Variants in HMGA2 observed in about 807,000 individuals in gnomAD.
HMGA2 encodes high mobility group AT-hook 2, also known as high mobility group protein HMGI-C.
A neutral mutation model predicts 19.1 loss-of-function variants in HMGA2; 8 were observed. The observed-to-expected ratio is 0.42, with a 90% CI of 0.25 to 0.76. HMGA2 has a LOEUF of 0.76. HMGA2 is among the 30% of genes least tolerant of loss of function. HMGA2 has a pLI of 0.28. For missense variants in HMGA2, 109 were observed against 136.3 expected, an observed-to-expected ratio of 0.80 and a Z score of 1.00; for synonymous variants, 60 against 48.8, an observed-to-expected ratio of 1.23 and a Z score of -0.96.
At chr12:65,841,630 C>T (rs376607501) in intron 3 of HMGA2, among the ~76,000 whole-genome samples, 10 of 152,274 alleles carry the variant, frequency 6.6e-5, no homozygotes, top group Non-Finnish European at 4.4e-5. Context: ...TGTCATTCAC[C>T]GATTTCCTTG....
intron 3 of HMGA2, among the ~76,000 whole-genome samples, chr12:65,927,797 GTCTCTTTC>G (rs1875559260): frequency 6.7e-6 from 1 of 150,132 alleles, no homozygotes. Flanking sequence ...TTATTGGTCT[GTCTCTTTC>G]TCTCTGTCTC....
intron 3 of HMGA2, among the ~76,000 whole-genome samples, chr12:65,938,130 A>G (rs1169469187): frequency 1.3e-5 from 2 of 152,274 alleles, no homozygotes; most frequent in East Asian, 3.9e-4. Flanking sequence ...TGGAAGTGCC[A>G]CTATGAATGG....
At position 65,828,084 on chromosome 12, in the gene HMGA2, A is replaced by G. The variant is rs752294426; in HGVS notation, c.195A>G (p.Gln65=). The change falls in exon 2 of 5, where the codon CAA becomes CAG. Residue 65 remains glutamine, a synonymous_variant. Transcript: ENST00000403681. The part of the protein sequence containing the change: ...SKNKSPSKAA[Q]KKAEATGEKR... ...ACAAGAGTCCCTCTAAAGCAGCTCAAAAGGTGAGATTTCTCAAGTCAAGCT... is the reference window on the plus strand; with the variant it reads ...ACAAGAGTCCCTCTAAAGCAGCTCAGAAGGTGAGATTTCTCAAGTCAAGCT... 1.4e-5 allele frequency: 22 copies of G among 1,610,904 alleles called. No homozygotes were observed. The East Asian group carries it at 4.9e-4, about 36-fold the overall frequency.
At chr12:65,946,852 C>A (rs1447811507) in intron 3 of HMGA2, among the ~76,000 whole-genome samples, 1 of 152,126 alleles carries the variant, frequency 6.6e-6, no homozygotes, top group Non-Finnish European at 1.5e-5. Context: ...GAGAAATGTT[C>A]ATTTGCTGTA....
chr12:65,859,713 G>A (rs80319366), intron 3 of HMGA2: 7,582 of 154,856 alleles, frequency 0.049, 262 homozygotes, highest in African/African-American at 0.096. Context: ...GGGTAAACAC[G>A]CATTGCAGAT....
At chr12:65,926,446 G>A (rs917015449) in intron 3 of HMGA2, among the ~76,000 whole-genome samples, 4 of 152,204 alleles carry the variant, frequency 2.6e-5, no homozygotes, top group Non-Finnish European at 4.4e-5. Context: ...GGGAGAGGGA[G>A]GCAGAGGAGA....
intron 3 of HMGA2, among the ~76,000 whole-genome samples, chr12:65,913,245 T>C (rs1874921784): frequency 6.6e-6 from 1 of 152,190 alleles, no homozygotes; most frequent in Non-Finnish European, 1.5e-5. Flanking sequence ...GCAGTTTGCC[T>C]CTCCTTCCTT....
At chr12:65,855,458 T>TCTCTCACACACACACA (rs140365204) in intron 3 of HMGA2, among the ~76,000 whole-genome samples, 2 of 140,138 alleles carry the variant, frequency 1.4e-5, no homozygotes, top group African/African-American at 5.5e-5. Flanking sequence ...TCTCTCTCTC[T>TCTCTCACACACACACA]CACACACACA....
chr12:65,938,087 G>A (rs1252645647), intron 3 of HMGA2, among the ~76,000 whole-genome samples: 2 of 152,122 alleles, frequency 1.3e-5, no homozygotes, highest in Admixed American at 6.6e-5. Context: ...AGGGACTGTC[G>A]GAAGAGACTC....
chr12:65,831,330 TAATTCTTC>T lies in HMGA2; in HGVS notation c.198+3245_198+3252del. ...GACAGAATACTGGAGGGGTTGTCAC[TAATTCTTC>T]AGTGTTGAAGGTCTCAGGTCAAATT... On this transcript the variant is annotated intron_variant, in intron 2 of 4. Transcript: ENST00000403681. Among the ~76,000 whole-genome samples the T allele has an allele frequency of 1.3e-5, 2 of 151,982 alleles. 1 individual carries two copies. The highest frequency in any genetic ancestry group is 4.1e-4 in the South Asian group (2 of 4,830).
At chr12:65,943,515 G>A (rs1441660027) in intron 3 of HMGA2, among the ~76,000 whole-genome samples, 3 of 152,208 alleles carry the variant, frequency 2.0e-5, no homozygotes, top group Non-Finnish European at 2.9e-5. Flanking sequence ...GCCAGCAGCA[G>A]TGAGGGCACT....
At chr12:65,836,325 C>T (rs1328769090) in intron 2 of HMGA2, among the ~76,000 whole-genome samples, 2 of 150,794 alleles carry the variant, frequency 1.3e-5, no homozygotes, top group Non-Finnish European at 2.9e-5. Flanking sequence ...CGTCACTGCA[C>T]TCCAGCCTGG....
intron 4 of HMGA2, chr12:65,954,583 A>T (rs1206532751): frequency 6.6e-6 from 1 of 152,234 alleles, no homozygotes; most frequent in Admixed American, 6.5e-5. Flanking sequence ...ATTCAGAATT[A>T]TGATAAATCT....
chr12:65,951,444 C>T lies in HMGA2; in HGVS notation c.282+29C>T, dbSNP rs7972587. 1.5e-3 allele frequency: 2,136 copies of T among 1,403,244 alleles called. 8 individuals are homozygous for T. Among genetic ancestry groups the T allele is most frequent in the Non-Finnish European group, 1.7e-3 (1,719 of 1,015,554 alleles). 86.9% of individuals were successfully genotyped at this position (1,403,244 alleles called of 1,614,324 possible). On this transcript the variant is annotated intron_variant, in intron 4 of 4. Transcript: ENST00000403681. ...AGACATAGTCATTAATTTTTTTCTC[C>T]CAATTAATATAAAAAGTGAAATATG...
At chr12:65,922,032 C>G (rs1337354927) in intron 3 of HMGA2, among the ~76,000 whole-genome samples, 1 of 152,190 alleles carries the variant, frequency 6.6e-6, no homozygotes, top group African/African-American at 2.4e-5. Context: ...ATGAAAACAC[C>G]TGGATGCCCA....
intron 3 of HMGA2, among the ~76,000 whole-genome samples, chr12:65,892,179 G>A (rs1325144084): frequency 1.3e-5 from 2 of 152,200 alleles, no homozygotes; most frequent in Admixed American, 6.5e-5. Context: ...TTGGCAAGGA[G>A]GTGCTCGTCA....
chr12:65,942,105 A>G (rs1876110037), intron 3 of HMGA2, among the ~76,000 whole-genome samples: 1 of 152,252 alleles, frequency 6.6e-6, no homozygotes, highest in South Asian at 2.1e-4. Context: ...GTAATCTCCA[A>G]TAGCATCTAA....
At chr12:65,827,247 T>C (rs12301016) in intron 1 of HMGA2, among the ~76,000 whole-genome samples, 1 of 152,122 alleles carries the variant, frequency 6.6e-6, no homozygotes. Flanking sequence ...TCCACCCCCA[T>C]AAGAGTTTTC....
chr12:65,859,456 A>C (rs1871931010), intron 3 of HMGA2: 1 of 152,202 alleles, frequency 6.6e-6, no homozygotes, highest in Non-Finnish European at 1.5e-5. Context: ...TGGTTAAATA[A>C]TACCATTTTT....
Sources: gnomAD v4.1 joint callset for allele counts (sites outside exome capture counted in the v4.1 genomes callset) on GRCh38, gnomAD v4.1.1 for gene constraint, MANE v1.5 for transcripts, NCBI Gene and HGNC (gene_info 2026-07-23, HGNC 2026-07-21) for gene names.